UGGT1: variants seen among roughly 807,000 people sequenced by gnomAD.
UGGT1 encodes the protein UDP-glucose:glycoprotein glucosyltransferase 1.
A neutral mutation model predicts 203.9 loss-of-function variants in UGGT1; 107 were observed. That is an observed-to-expected ratio of 0.52 (90% CI 0.45 to 0.62). UGGT1 has a LOEUF of 0.62. UGGT1 is among the 20% of genes least tolerant of loss of function. The pLI, the probability that UGGT1 is intolerant of heterozygous loss-of-function variation, is 0.00. For missense variants in UGGT1, 1,673 were observed against 1,867.2 expected, an observed-to-expected ratio of 0.90 and a Z score of 1.92; for synonymous variants, 628 against 653.5, an observed-to-expected ratio of 0.96 and a Z score of 0.59.
chr2:128,117,991 TGTGA>T (rs1558764765), intron 8 of UGGT1, among the ~76,000 whole-genome samples: 129 of 83,188 alleles, frequency 1.6e-3, no homozygotes, highest in Admixed American at 3.7e-3. Context: ...TGTGTGTGTG[TGTGA>T]GAGAGAGAGA....
chr2:128,109,519 G>A, intron 4 of UGGT1, 115 bp from the exon 5 acceptor site: 1 of 838,476 alleles, frequency 1.2e-6, no homozygotes, highest in Admixed American at 2.1e-5. Flanking sequence ...ACCACACTCA[G>A]CCAGTTTCAA....
At chr2:128,104,600 A>T (rs1051990706) in intron 3 of UGGT1, among the ~76,000 whole-genome samples, 1 of 151,972 alleles carries the variant, frequency 6.6e-6, no homozygotes, top group African/African-American at 2.4e-5. Context: ...AGTAGTTAAA[A>T]CCTTGAATAT....
In UGGT1 at chr2:128,190,028, G is replaced by A. The variant is rs1692179145; in HGVS notation, c.*286G>A. 3.0e-6 allele frequency: 1 copy of A among 331,176 alleles called. No homozygotes were observed. The allele number at this position is 331,176 out of a possible 1,614,324, so 20.5% of individuals were successfully genotyped here. On this transcript the variant is annotated 3_prime_UTR_variant, in exon 41 of 41. Transcript: ENST00000259253. ...GAGGGTGGAATGGCAGCAGCAACTG[G>A]AAGAAAATGAGTTTTTTGGTGCCCA...
intron 37 of UGGT1, 33 bp from the exon 38 acceptor site, chr2:128,183,642 G>A (rs1193266183): frequency 6.6e-7 from 1 of 1,518,648 alleles, no homozygotes; most frequent in Non-Finnish European, 9.1e-7. Context: ...GTAATCCATG[G>A]TTGGTTGTAA....
intron 26 of UGGT1, among the ~76,000 whole-genome samples, chr2:128,169,759 A>G (rs1408588399): frequency 6.6e-6 from 1 of 152,238 alleles, no homozygotes; most frequent in African/African-American, 2.4e-5. Flanking sequence ...CAGTAGTGAG[A>G]GACGGAAGGA....
chr2:128,160,291 T>C (rs1454429334), intron 23 of UGGT1, among the ~76,000 whole-genome samples, 169 bp from the exon 24 acceptor site: 1 of 152,124 alleles, frequency 6.6e-6, no homozygotes, highest in East Asian at 1.9e-4. Flanking sequence ...CTCTAAGTAG[T>C]AGGGAGATGG....
chr2:128,152,167 C>A (rs567282842), intron 18 of UGGT1, among the ~76,000 whole-genome samples: 1 of 151,900 alleles, frequency 6.6e-6, no homozygotes, highest in South Asian at 2.1e-4. Flanking sequence ...TGAGAGAAGA[C>A]CTTTTCCTAT....
intron 11 of UGGT1, 26 bp downstream of exon 11, chr2:128,123,272 C>A (rs74970224): frequency 1.3e-6 from 2 of 1,596,450 alleles, no homozygotes; most frequent in Admixed American, 1.7e-5. Context: ...AAATACTGAC[C>A]TGTTTTGTAT....
At chr2:128,159,835 CAG>C (rs1053784211) in intron 23 of UGGT1, 115 bp downstream of exon 23, 8 of 1,112,010 alleles carry the variant, frequency 7.2e-6, no homozygotes, top group South Asian at 1.7e-5. Flanking sequence ...TCCTGAGTCT[CAG>C]GGAATTTTTT....
chr2:128,171,508 C>T lies in UGGT1; in HGVS notation c.3104+224C>T, dbSNP rs940966176. The T allele has an allele frequency of 8.3e-6, 4 of 481,946 alleles. No homozygotes were observed. In the South Asian group the frequency reaches 1.0e-4, roughly 12 times the overall value. 29.9% of individuals were successfully genotyped at this position (481,946 alleles called of 1,614,324 possible). A position where few individuals can be genotyped will look rare whatever the true frequency, so the allele number is the denominator to read the frequency against. ...TAACCCAGGCTGCTTGCATTTGTGC[C>T]TTTTCTTTCTTTTTTTCGAGATGGA... On this transcript the variant is annotated intron_variant, in intron 28 of 40. Coordinates refer to ENST00000259253, the MANE Select transcript of UGGT1 (RefSeq NM_020120.4).
intron 3 of UGGT1, among the ~76,000 whole-genome samples, chr2:128,106,789 A>G (rs1687624933): frequency 6.6e-6 from 1 of 152,116 alleles, no homozygotes; most frequent in South Asian, 2.1e-4. Flanking sequence ...ACCTCGGGTG[A>G]TCCACCCACC....
chr2:128,138,681 G>A (rs768334340), intron 15 of UGGT1, 36 bp from the exon 16 acceptor site: 1 of 1,602,276 alleles, frequency 6.2e-7, no homozygotes, highest in Non-Finnish European at 8.5e-7. Flanking sequence ...TGCATTCTTT[G>A]ACATGTTTCT....
chr2:128,188,166 A>G (rs1692081022), intron 40 of UGGT1, among the ~76,000 whole-genome samples: 2 of 151,702 alleles, frequency 1.3e-5, no homozygotes, highest in Admixed American at 6.6e-5. Flanking sequence ...AATTACAGGC[A>G]TGCACCACCA....
intron 9 of UGGT1, among the ~76,000 whole-genome samples, chr2:128,120,876 A>G (rs567765751): frequency 2.0e-5 from 3 of 152,266 alleles, no homozygotes; most frequent in East Asian, 3.9e-4. Context: ...AAAAGTCTTC[A>G]TGCTGTATTT....
chr2:128,126,625 C>T (rs1320120058), intron 11 of UGGT1, among the ~76,000 whole-genome samples: 1 of 150,380 alleles, frequency 6.6e-6, no homozygotes, highest in Admixed American at 6.6e-5. Context: ...ATGAACCCAT[C>T]TATATTACCA....
chr2:128,120,153 A>G (rs1688308764), intron 8 of UGGT1, among the ~76,000 whole-genome samples: 3 of 152,206 alleles, frequency 2.0e-5, no homozygotes, highest in African/African-American at 4.8e-5. Flanking sequence ...CAATTTTTCT[A>G]TAAATTTTAT....
In UGGT1 at chr2:128,171,301, A is replaced by T; in HGVS notation, c.3104+17A>T. The stretch of plus-strand genomic sequence containing the variant: ...TTTAAAAAGGTAAAACATGCTATGT[A>T]AGAAAACAGTTGAAGAAATTGTACT... On this transcript the variant is annotated intron_variant, in intron 28 of 40. Transcript: ENST00000259253. The T allele has an allele frequency of 1.2e-6, 2 of 1,605,436 alleles. No individual in the cohort carries two copies. Among genetic ancestry groups the T allele is most frequent in the Non-Finnish European group, 1.7e-6 (2 of 1,175,154 alleles).
chr2:128,187,816 T>G (rs1384009668), intron 40 of UGGT1, among the ~76,000 whole-genome samples: 4 of 152,070 alleles, frequency 2.6e-5, no homozygotes, highest in East Asian at 3.9e-4. Context: ...TTGCTATGTT[T>G]TTTTTTTTTT....
At chr2:128,177,790 G>T (rs73955980) in intron 32 of UGGT1, 42 bp from the exon 33 acceptor site, 3 of 1,525,058 alleles carry the variant, frequency 2.0e-6, no homozygotes, top group Non-Finnish European at 2.7e-6. Flanking sequence ...TTTTATGCCT[G>T]TGAGACATAC....
Sources: gnomAD v4.1 joint callset for allele counts (sites outside exome capture counted in the v4.1 genomes callset) on GRCh38, gnomAD v4.1.1 for gene constraint, MANE v1.5 for transcripts, NCBI Gene and HGNC (gene_info 2026-07-23, HGNC 2026-07-21) for gene names.